RPAP2: variants seen among roughly 807,000 people sequenced by gnomAD.
RPAP2 encodes putative RNA polymerase II subunit B1 CTD phosphatase RPAP2.
A neutral mutation model predicts 73.1 loss-of-function variants in RPAP2; 52 were observed. The ratio of observed to expected loss-of-function variants is 0.71; its 90% CI spans 0.57 to 0.90. The LOEUF (loss-of-function observed/expected upper bound fraction) is 0.90, where lower values mean the gene tolerates loss of function less well. RPAP2 is among the 40% of genes least tolerant of loss of function. The probability of loss-of-function intolerance (pLI) is 0.00; values close to 1 mark genes in which losing one functional copy is unlikely to be tolerated. For missense variants in RPAP2, 598 were observed against 701.8 expected, an observed-to-expected ratio of 0.85 and a Z score of 1.67; for synonymous variants, 225 against 242.1, an observed-to-expected ratio of 0.93 and a Z score of 0.65.
At chr1:92,315,481 C>T (rs987752780) in intron 6 of RPAP2, among the ~76,000 whole-genome samples, 1 of 152,072 alleles carries the variant, frequency 6.6e-6, no homozygotes, top group African/African-American at 2.4e-5. Flanking sequence ...GACACAGTTA[C>T]CACAAACATT....
At chr1:92,335,624 A>G (rs1230360000) in intron 9 of RPAP2, among the ~76,000 whole-genome samples, 1 of 152,184 alleles carries the variant, frequency 6.6e-6, no homozygotes, top group African/African-American at 2.4e-5. Flanking sequence ...ATGGTATTAT[A>G]TAATACATGT....
intron 6 of RPAP2, among the ~76,000 whole-genome samples, chr1:92,313,646 G>A (rs933560424): frequency 2.0e-5 from 3 of 152,076 alleles, no homozygotes; most frequent in Non-Finnish European, 4.4e-5. Context: ...TACCAGCTAC[G>A]TTAGCCCCTA....
At chr1:92,355,968 G>A (rs780628604) in intron 11 of RPAP2, among the ~76,000 whole-genome samples, 1 of 152,142 alleles carries the variant, frequency 6.6e-6, no homozygotes, top group Admixed American at 6.5e-5. Flanking sequence ...GGAGAACGTG[G>A]AGTGGTTTAG....
At chr1:92,327,110 C>T (rs996757459) in intron 8 of RPAP2, among the ~76,000 whole-genome samples, 3 of 152,200 alleles carry the variant, frequency 2.0e-5, no homozygotes, top group African/African-American at 4.8e-5. Context: ...TCTGTTAAAT[C>T]CATTTGTTCT....
intron 6 of RPAP2, among the ~76,000 whole-genome samples, chr1:92,316,975 C>G (rs1212527307): frequency 1.3e-5 from 2 of 152,000 alleles, no homozygotes; most frequent in East Asian, 1.9e-4. Flanking sequence ...GAGTTTAGTT[C>G]TTAGAAAAAT....
chr1:92,392,362 T>G lies in RPAP2; in HGVS notation c.*5351T>G, dbSNP rs556275021. ...TTCATGCTAAAAACCCTCAATAAAC[T>G]AGGTATTGATGGAATGTATCTCAAT... On this transcript the variant is annotated 3_prime_UTR_variant, in exon 13 of 13. Coordinates refer to ENST00000610020, the MANE Select transcript of RPAP2 (RefSeq NM_024813.3). 4 of 152,164 alleles carry G rather than the reference T, an allele frequency of 2.6e-5. No individual in the cohort carries two copies. The highest frequency in any genetic ancestry group is 1.9e-4 in the East Asian group (1 of 5,182). 9.4% of individuals were successfully genotyped at this position (152,164 alleles called of 1,614,324 possible).
At chr1:92,310,787 C>A (rs1651547258) in intron 6 of RPAP2, among the ~76,000 whole-genome samples, 1 of 151,984 alleles carries the variant, frequency 6.6e-6, no homozygotes. Flanking sequence ...GCCCCAGCTA[C>A]TTGGGAGGCT....
chr1:92,381,762 A>ATT (rs56860879), intron 12 of RPAP2, among the ~76,000 whole-genome samples: 2 of 151,066 alleles, frequency 1.3e-5, no homozygotes, highest in African/African-American at 4.9e-5. Flanking sequence ...TTATTTTATT[A>ATT]TTTTTTTTAA....
intron 11 of RPAP2, among the ~76,000 whole-genome samples, chr1:92,353,752 C>T (rs1305365935): frequency 6.6e-6 from 1 of 152,092 alleles, no homozygotes; most frequent in Admixed American, 6.6e-5. Flanking sequence ...TAGATTATTT[C>T]TATACGTTCC....
In RPAP2 at chr1:92,390,708, A is replaced by G. The variant is rs953533170; in HGVS notation, c.*3697A>G. On this transcript the variant is annotated 3_prime_UTR_variant, in exon 13 of 13. Coordinates refer to ENST00000610020, the MANE Select transcript of RPAP2 (RefSeq NM_024813.3). ...TAAAAGGATGTAGGAAGATTTACCA[A>G]GCAAATGGAAAGCAGAAAAAAGCAG... 2 of 152,226 alleles carry G rather than the reference A, an allele frequency of 1.3e-5. No homozygotes were observed. The highest frequency in any genetic ancestry group is 1.3e-4 in the Admixed American group (2 of 15,274). 9.4% of individuals were successfully genotyped at this position (152,226 alleles called of 1,614,324 possible). A position where few individuals can be genotyped will look rare whatever the true frequency, so the allele number is the denominator to read the frequency against.
chr1:92,379,643 G>GAA (rs1177840757), intron 11 of RPAP2, among the ~76,000 whole-genome samples: 6 of 152,090 alleles, frequency 3.9e-5, no homozygotes, highest in Non-Finnish European at 5.9e-5. Context: ...GTTTTAAAAA[G>GAA]AAAAATGTTA....
intron 10 of RPAP2, among the ~76,000 whole-genome samples, chr1:92,338,961 T>TA (rs1439033789): frequency 6.6e-6 from 1 of 152,118 alleles, no homozygotes; most frequent in African/African-American, 2.4e-5. Context: ...AGACAACACT[T>TA]ATTTAATCAC....
chr1:92,382,881 C>T (rs1286032137), intron 12 of RPAP2, among the ~76,000 whole-genome samples: 6 of 151,970 alleles, frequency 3.9e-5, no homozygotes, highest in Non-Finnish European at 8.8e-5. Context: ...AGGTTTTCTT[C>T]TAGGGTTTTT....
At chr1:92,348,056 C>T (rs1411651330) in intron 11 of RPAP2, among the ~76,000 whole-genome samples, 1 of 152,010 alleles carries the variant, frequency 6.6e-6, no homozygotes, top group Admixed American at 6.6e-5. Context: ...ATTACAGGCA[C>T]CTGCCACCAT....
intron 11 of RPAP2, among the ~76,000 whole-genome samples, chr1:92,362,166 TAA>T (rs1185519880): frequency 6.6e-6 from 1 of 152,210 alleles, no homozygotes; most frequent in East Asian, 1.9e-4. Context: ...CCAGGTGTAT[TAA>T]GAGTGCTCGT....
At chr1:92,299,554 CCAGAGAGGACGTT>C (rs1650642633) in intron 1 of RPAP2, among the ~76,000 whole-genome samples, 1 of 152,120 alleles carries the variant, frequency 6.6e-6, no homozygotes, top group Admixed American at 6.5e-5. Flanking sequence ...CCCTCTTCCC[CCAGAGAGGACGTT>C]TGGCAGACGG....
intron 8 of RPAP2, among the ~76,000 whole-genome samples, chr1:92,326,102 A>G (rs919495976): frequency 2.0e-5 from 3 of 151,934 alleles, no homozygotes; most frequent in African/African-American, 4.8e-5. Context: ...AGATAATGCC[A>G]AACAGTTTTC....
intron 11 of RPAP2, among the ~76,000 whole-genome samples, chr1:92,376,883 G>C (rs1655404457): frequency 6.6e-6 from 1 of 152,130 alleles, no homozygotes; most frequent in Non-Finnish European, 1.5e-5. Flanking sequence ...TTGTGAACTT[G>C]GGGAAGATAC....
Position 92,387,102 on chromosome 1 carries a change from T to C in RPAP2, c.*91T>C. On this transcript the variant is annotated 3_prime_UTR_variant, in exon 13 of 13. Coordinates refer to ENST00000610020, the MANE Select transcript of RPAP2 (RefSeq NM_024813.3). ...TGATGGTCTGGTGGTGACTGATAACTAGTTTTATTCCAAGACATACCTTTA... is the reference window on the plus strand; with the variant it reads ...TGATGGTCTGGTGGTGACTGATAACCAGTTTTATTCCAAGACATACCTTTA... The C allele has an allele frequency of 7.6e-7, 1 of 1,314,180 alleles. No individual in the cohort carries two copies. The highest frequency in any genetic ancestry group is 1.1e-6 in the Non-Finnish European group (1 of 948,598). The allele number at this position is 1,314,180 out of a possible 1,614,324, so 81.4% of individuals were successfully genotyped here. A position where few individuals can be genotyped will look rare whatever the true frequency, so the allele number is the denominator to read the frequency against.
Sources: gnomAD v4.1 joint callset for allele counts (sites outside exome capture counted in the v4.1 genomes callset) on GRCh38, gnomAD v4.1.1 for gene constraint, MANE v1.5 for transcripts, NCBI Gene and HGNC (gene_info 2026-07-23, HGNC 2026-07-21) for gene names.